MYH4: variants seen among roughly 807,000 people sequenced by gnomAD.
MYH4 encodes the protein myosin-4.
In MYH4, 200 loss-of-function variants were observed where a neutral mutation model predicts 229.9. The ratio of observed to expected loss-of-function variants is 0.87; its 90% CI spans 0.78 to 0.98. MYH4 has a LOEUF of 0.98. MYH4 is among the 50% of genes least tolerant of loss of function. The pLI, the probability that MYH4 is intolerant of heterozygous loss-of-function variation, is 0.00. For missense variants in MYH4, 2,148 were observed against 2,332.6 expected, an observed-to-expected ratio of 0.92 and a Z score of 1.63; for synonymous variants, 761 against 834.6, an observed-to-expected ratio of 0.91 and a Z score of 1.52.
At chr17:10,452,386 T>C (rs370395844) in intron 26 of MYH4, 30 bp downstream of exon 26, 6 of 1,614,070 alleles carry the variant, frequency 3.7e-6, no homozygotes, top group Non-Finnish European at 5.1e-6. Context: ...TTTCCTGTAA[T>C]GCCCAGAAAA....
chr17:10,452,597 TG>T lies in MYH4; in HGVS notation c.3258-92del, dbSNP rs1333168250. 3 of 1,333,102 alleles carry T rather than the reference TG, an allele frequency of 2.3e-6. No individual in the cohort carries two copies. The African/African-American group carries it at 4.4e-5, about 20-fold the overall frequency. The allele number at this position is 1,333,102 out of a possible 1,614,324, so 82.6% of individuals were successfully genotyped here. On this transcript the variant is annotated intron_variant, in intron 25 of 39. Coordinates refer to ENST00000255381, the MANE Select transcript of MYH4 (RefSeq NM_017533.2). ...TCTAAGACTTTTTTTATACTGCTGGTGTTGAAGGAGTGAGTAGTACAATGTT... is the reference window on the plus strand; with the variant it reads ...TCTAAGACTTTTTTTATACTGCTGGTTTGAAGGAGTGAGTAGTACAATGTT...
chr17:10,445,269 C>T lies in MYH4; in HGVS notation c.5263G>A (p.Ala1755Thr). ...ATGGCCTTCTTGGCCTTCTCCTCTGCATTGCGGGCTTCCTGGACGATGTCC... is the reference window on the plus strand; with the variant it reads ...ATGGCCTTCTTGGCCTTCTCCTCTGTATTGCGGGCTTCCTGGACGATGTCC... Reference protein sequence around the residue: ...MEDIVQEARNAEEKAKKAITD... With the variant: ...MEDIVQEARNTEEKAKKAITD... The change falls in exon 36 of 40, where the codon GCA (alanine) becomes ACA (threonine). Residue 1755 changes from alanine (A) to threonine (T), a missense_variant. By Grantham distance (58) the Ala-to-Thr change is moderately conservative (BLOSUM62 0). Coordinates refer to ENST00000255381, the MANE Select transcript of MYH4 (RefSeq NM_017533.2). 6.2e-7 allele frequency: 1 copy of T among 1,614,170 alleles called. No homozygotes were observed. The highest frequency in any genetic ancestry group is 8.5e-7 in the Non-Finnish European group (1 of 1,180,028).
intron 27 of MYH4, among the ~76,000 whole-genome samples, chr17:10,451,684 T>C (rs2072575151): frequency 6.6e-6 from 1 of 152,330 alleles, no homozygotes; most frequent in Non-Finnish European, 1.5e-5. Context: ...TTCTGCATCA[T>C]TTAGAGTATG....
chr17:10,455,471 T>C, intron 19 of MYH4, 143 bp downstream of exon 19: 5 of 1,325,118 alleles, frequency 3.8e-6, no homozygotes, highest in African/African-American at 1.5e-5. Flanking sequence ...CTTATGATAA[T>C]ATAAACCTAA....
In MYH4 at chr17:10,447,222, C is replaced by G; in HGVS notation, c.4966-6G>C. 6.2e-7 allele frequency: 1 copy of G among 1,613,376 alleles called. No individual in the cohort carries two copies. ...TCCAAATGTAGCTGAGTGTCCTACA[C>G]AGAAAGAGAAAAAGCCTCTTACTCA... On this transcript the variant is annotated splice_polypyrimidine_tract_variant and splice_region_variant and intron_variant, in intron 34 of 39. Transcript: ENST00000255381.
At chr17:10,454,027 A>G in intron 22 of MYH4, 142 bp from the exon 23 acceptor site, 1 of 1,141,290 alleles carries the variant, frequency 8.8e-7, no homozygotes, top group Non-Finnish European at 1.2e-6. Context: ...GAAACAGACA[A>G]AATGTTAATA....
Position 10,451,316 on chromosome 17 carries a change from AT to A in MYH4, c.3865+9del. 6.2e-7 allele frequency: 1 copy of A among 1,612,806 alleles called. No individual in the cohort carries two copies. The highest frequency in any genetic ancestry group is 2.2e-5 in the East Asian group (1 of 44,854). The stretch of plus-strand genomic sequence containing the variant: ...ACCTCTCCGAAGGTTGATGCTATTT[AT>A]TTACTGACCTGATTCTGTGTGTAAA... On this transcript the variant is annotated intron_variant, in intron 28 of 39. Coordinates refer to ENST00000255381, the MANE Select transcript of MYH4 (RefSeq NM_017533.2).
rs2142217469 is a variant in MYH4, at chr17:10,452,899, A to G, written c.3145T>C (p.Cys1049Arg). Reference protein sequence around the residue: ...EGSLEQEKKLCMDLERAKRKL... With the variant: ...EGSLEQEKKLRMDLERAKRKL... ...CTCTTGGCTCTTTCTAAGTCCATGC[A>G]AAGTTTCTTTTCTTGTTCCAGAGAT... Residue 1049 changes from cysteine to arginine, a missense_variant, in exon 25 of 40, where the codon TGC becomes CGC. By Grantham distance (180) the Cys-to-Arg change is radical. Transcript: ENST00000255381. 1 of 1,603,154 alleles carries G rather than the reference A, an allele frequency of 6.2e-7. No homozygotes were observed. Among genetic ancestry groups the G allele is most frequent in the Non-Finnish European group, 8.5e-7 (1 of 1,177,834 alleles).
At position 10,455,045 on chromosome 17, in the gene MYH4, T is replaced by C. The variant is rs1489602358; in HGVS notation, c.2331A>G (p.Leu777=). 11 of 1,614,098 alleles carry C rather than the reference T, an allele frequency of 6.8e-6. No homozygotes were observed. The highest frequency in any genetic ancestry group is 9.3e-6 in the Non-Finnish European group (11 of 1,180,050). The change falls in exon 21 of 40, where the codon CTA becomes CTG. Residue 777 remains leucine (L), a synonymous_variant. Transcript: ENST00000255381. ...CTAGCTTTTCATCTCGCATTTCCTC[T>C]AGAGTTCCCAGCAGGCCAGCTTTGA... The part of the protein sequence containing the change: ...VFFKAGLLGT[L]EEMRDEKLAQ...
intron 35 of MYH4, among the ~76,000 whole-genome samples, chr17:10,445,920 C>T (rs892311368): frequency 2.7e-5 from 4 of 146,298 alleles, no homozygotes; most frequent in African/African-American, 5.0e-5. Context: ...CCCAGCTACT[C>T]GGGAGGCTGA....
intron 35 of MYH4, among the ~76,000 whole-genome samples, chr17:10,446,720 T>C (rs1263731382): frequency 2.6e-5 from 4 of 152,192 alleles, no homozygotes. Context: ...TAGAGTTGCA[T>C]AAGACAAGAC....
intron 2 of MYH4, among the ~76,000 whole-genome samples, chr17:10,467,299 T>C (rs990269835): frequency 6.6e-6 from 1 of 152,218 alleles, no homozygotes; most frequent in African/African-American, 2.4e-5. Context: ...TTACTAAAAT[T>C]GAATGTAGAC....
chr17:10,452,758 AG>A, intron 25 of MYH4, 28 bp downstream of exon 25: 1 of 1,570,716 alleles, frequency 6.4e-7, no homozygotes, highest in South Asian at 1.2e-5. Flanking sequence ...TACAACAAGC[AG>A]GTTATAGCTG....
At chr17:10,460,166 C>T (rs760864988) in intron 13 of MYH4, 37 bp downstream of exon 13, 144 of 1,612,340 alleles carry the variant, frequency 8.9e-5, no homozygotes, top group Non-Finnish European at 1.1e-4. Context: ...GAGTCACTTG[C>T]GGTTCAAATA....
chr17:10,462,150 T>G (rs561182798), intron 11 of MYH4, among the ~76,000 whole-genome samples: 1 of 152,296 alleles, frequency 6.6e-6, no homozygotes, highest in South Asian at 2.1e-4. Flanking sequence ...AACTCTAACT[T>G]GGGGGTATTG....
At chr17:10,462,993 T>C in intron 10 of MYH4, 25 bp from the exon 11 acceptor site, 1 of 1,606,870 alleles carries the variant, frequency 6.2e-7, no homozygotes, top group Non-Finnish European at 8.5e-7. Flanking sequence ...AAGAACAGTA[T>C]ATAGACAGCA....
At position 10,466,573 on chromosome 17, in the gene MYH4, C is replaced by A; in HGVS notation, c.173G>T (p.Gly58Val). Reference protein sequence around the residue: ...VKAIVQSREGGKVTAKTEAGA... With the variant: ...VKAIVQSREGVKVTAKTEAGA... ...AGCTTCGGTCTTGGCTGTCACCTTC[C>A]CCCCTTCCCTGCTCTGCACTATTGC... The change falls in exon 3 of 40, where the codon GGG becomes GTG. Residue 58 changes from glycine to valine, a missense_variant. Transcript: ENST00000255381. 1 of 1,613,886 alleles carries A rather than the reference C, an allele frequency of 6.2e-7. No homozygotes were observed. Among genetic ancestry groups the A allele is most frequent in the Non-Finnish European group, 8.5e-7 (1 of 1,180,044 alleles).
chr17:10,443,973 C>G lies in MYH4; in HGVS notation c.5668-446G>C, dbSNP rs2072484044. On this transcript the variant is annotated intron_variant, in intron 39 of 39. Transcript: ENST00000255381. This position sits in a 1 kb window ranked among gnomAD's most constrained non-coding sequence, Gnocchi z 4.6. ...ATTTAGTAACATAGTTATTTGAGAG[C>G]AAGGCATCCCACAAACTCGCCTATG... Among the ~76,000 whole-genome samples, 1 of 151,804 alleles carries G rather than the reference C, an allele frequency of 6.6e-6. No homozygotes were observed. Among genetic ancestry groups the G allele is most frequent in the Admixed American group, 6.6e-5 (1 of 15,236 alleles).
rs2072520393 is a variant in MYH4 at position 10,447,108 on chromosome 17, G to A, written c.5074C>T (p.Leu1692Phe). The change falls in exon 35 of 40, where the codon CTC becomes TTC. Residue 1692 changes from leucine (L) to phenylalanine (F), a missense_variant. Transcript: ENST00000255381. ...TCAGTCCGTTCCAGGGATGCCCTGA[G>A]CTCTTCAACTTCAGCCTGCATCAGG... is the stretch of plus-strand genomic sequence containing the variant. ...ANLMQAEVEE[L>F]RASLERTERG... 1 of 1,614,106 alleles carries A rather than the reference G, an allele frequency of 6.2e-7. No individual in the cohort carries two copies. The highest frequency in any genetic ancestry group is 8.5e-7 in the Non-Finnish European group (1 of 1,180,014).
Sources: gnomAD v4.1 joint callset for allele counts (sites outside exome capture counted in the v4.1 genomes callset) on GRCh38, gnomAD v4.1.1 for gene constraint, Gnocchi (gnomAD v3.1) non-coding constraint, MANE v1.5 for transcripts, NCBI Gene and HGNC (gene_info 2026-07-23, HGNC 2026-07-21) for gene names.